The following RNF150 variants were observed in gnomAD, a reference collection of about 807,000 sequenced individuals.
The protein encoded by RNF150 is ring finger protein 150.
A neutral mutation model predicts 39.3 loss-of-function variants in RNF150; 24 were observed. The ratio of observed to expected loss-of-function variants is 0.61; its 90% CI spans 0.44 to 0.86. The LOEUF (loss-of-function observed/expected upper bound fraction) is 0.86. Among genes scored for constraint, RNF150 ranks in the 40% least tolerant of loss-of-function variants. The pLI is 0.00. For missense variants in RNF150, 502 were observed against 587.8 expected (o/e 0.85, Z 1.51); for synonymous variants, 255 against 227.3 (o/e 1.12, Z -1.10).
At chr4:141,190,628 G>A (rs984273148) in intron 1 of RNF150, among the ~76,000 whole-genome samples, 1 of 152,232 alleles carries the variant, frequency 6.6e-6, no homozygotes, top group East Asian at 1.9e-4. Flanking sequence ...AGCAGACTCA[G>A]TGAAGCTATG....
At chr4:141,120,228 G>A (rs1016084726) in intron 1 of RNF150, among the ~76,000 whole-genome samples, 3 of 152,174 alleles carry the variant, frequency 2.0e-5, no homozygotes, top group Non-Finnish European at 4.4e-5. Context: ...AGATAAGGGA[G>A]AATAAGAGAA....
At chr4:141,016,075 A>T (rs1330282904) in intron 1 of RNF150, among the ~76,000 whole-genome samples, 1 of 151,856 alleles carries the variant, frequency 6.6e-6, no homozygotes, top group Non-Finnish European at 1.5e-5. Context: ...TCTGTTTTCA[A>T]TCTCTCCCCA....
chr4:141,195,645 G>A (rs1443845635), intron 1 of RNF150, among the ~76,000 whole-genome samples: 1 of 152,070 alleles, frequency 6.6e-6, no homozygotes, highest in Non-Finnish European at 1.5e-5. Flanking sequence ...TTATAGGGGT[G>A]GTAAAATTGG....
chr4:141,196,405 A>G (rs948724390), intron 1 of RNF150, among the ~76,000 whole-genome samples: 1 of 152,134 alleles, frequency 6.6e-6, no homozygotes, highest in Non-Finnish European at 1.5e-5. Flanking sequence ...GATGATGCAA[A>G]TACCAAGCAG....
At chr4:141,078,330 G>C (rs763825615) in intron 1 of RNF150, among the ~76,000 whole-genome samples, 2 of 152,104 alleles carry the variant, frequency 1.3e-5, no homozygotes, top group African/African-American at 2.4e-5. Flanking sequence ...AATCTCAGAA[G>C]ACTGAGCAAT....
At chr4:140,883,040 C>T (rs935902710) in intron 6 of RNF150, among the ~76,000 whole-genome samples, 1 of 150,082 alleles carries the variant, frequency 6.7e-6, no homozygotes, top group African/African-American at 2.5e-5. Flanking sequence ...TGATTTGTTT[C>T]TCATTTATCT....
intron 1 of RNF150, among the ~76,000 whole-genome samples, chr4:141,096,705 G>C (rs1248948993): frequency 6.6e-6 from 1 of 152,172 alleles, no homozygotes; most frequent in Non-Finnish European, 1.5e-5. Context: ...TAAGTTTACT[G>C]TGATCAAACA....
At chr4:141,153,910 G>A (rs919299823) in intron 1 of RNF150, among the ~76,000 whole-genome samples, 1 of 152,178 alleles carries the variant, frequency 6.6e-6, no homozygotes, top group Non-Finnish European at 1.5e-5. Flanking sequence ...AAGAGAGCAG[G>A]CTCTCGAGTT....
At position 141,171,332 on chromosome 4, in the gene RNF150, C is replaced by T. The variant is rs146126281; in HGVS notation, c.-6+41462G>A. Among the ~76,000 whole-genome samples the T allele has an allele frequency of 1.8e-3, 279 of 152,252 alleles. 1 individual carries two copies. The highest frequency in any genetic ancestry group is 6.3e-3 in the African/African-American group (261 of 41,544). ...TCTTGGGAGAGATTATCCTTCTTTA[C>T]GGTGGTCTATGTGAGTATCGGACCC... is the stretch of plus-strand genomic sequence containing the variant. On this transcript the variant is annotated intron_variant, in intron 1 of 7. Coordinates refer to the RNF150 transcript ENST00000420921.
chr4:141,003,630 C>T (rs974640455), intron 1 of RNF150, among the ~76,000 whole-genome samples: 6 of 151,752 alleles, frequency 4.0e-5, no homozygotes, highest in Admixed American at 1.3e-4. Context: ...CTGTTCTCCC[C>T]ACAATCCCTG....
At chr4:141,032,055 T>TAC (rs543555148) in intron 1 of RNF150, among the ~76,000 whole-genome samples, 120 of 150,928 alleles carry the variant, frequency 8.0e-4, no homozygotes, top group African/African-American at 2.1e-3. Flanking sequence ...AACATATATA[T>TAC]ACACACACAC....
In RNF150 at chr4:140,994,757, CA is replaced by C. The variant is rs533428069; in HGVS notation, c.485-26885del. ...AGAGTAAAAGGCAGGAAGCATTTTC[CA>C]CCCAAGTTGCTACGCCTCTGGTGTT... On this transcript the variant is annotated intron_variant, in intron 1 of 6. Transcript: ENST00000515673. Among the ~76,000 whole-genome samples, 360 of 152,300 alleles carry C rather than the reference CA, an allele frequency of 2.4e-3. 1 individual carries two copies. The highest frequency in any genetic ancestry group is 0.01 in the Middle Eastern group (3 of 294).
chr4:141,181,938 T>C (rs1029506220), intron 1 of RNF150, among the ~76,000 whole-genome samples: 1 of 152,178 alleles, frequency 6.6e-6, no homozygotes, highest in East Asian at 1.9e-4. Context: ...ATTTACCTGT[T>C]ACCTTCTAGC....
intron 6 of RNF150, among the ~76,000 whole-genome samples, chr4:140,873,706 C>T (rs939587058): frequency 6.6e-6 from 1 of 152,086 alleles, no homozygotes; most frequent in African/African-American, 2.4e-5. Context: ...GAGACAGGGT[C>T]TCTCTCTGTT....
intron 1 of RNF150, among the ~76,000 whole-genome samples, chr4:141,146,636 T>A (rs1201411887): frequency 6.6e-6 from 1 of 152,118 alleles, no homozygotes; most frequent in Non-Finnish European, 1.5e-5. Flanking sequence ...AAAAGAAAGT[T>A]AAGGTTTGTG....
chr4:141,002,290 T>C (rs57338597), intron 1 of RNF150, among the ~76,000 whole-genome samples: 11,535 of 152,148 alleles, frequency 0.076, 491 homozygotes, highest in Middle Eastern at 0.16. Flanking sequence ...ACAGTCTTTA[T>C]TGTACTTGAT....
chr4:141,154,969 G>A (rs2111147195), intron 1 of RNF150, among the ~76,000 whole-genome samples: 1 of 152,324 alleles, frequency 6.6e-6, no homozygotes, highest in African/African-American at 2.4e-5. Flanking sequence ...GCTTGGTGAT[G>A]TCATCCTTCG....
intron 4 of RNF150, among the ~76,000 whole-genome samples, chr4:140,942,024 CAG>C (rs1338614283): frequency 1.3e-5 from 2 of 152,122 alleles, no homozygotes; most frequent in South Asian, 4.1e-4. Flanking sequence ...TTAGTGAATT[CAG>C]AGTTTCATGT....
At chr4:140,910,848 A>G (rs1730570099) in intron 6 of RNF150, among the ~76,000 whole-genome samples, 1 of 152,042 alleles carries the variant, frequency 6.6e-6, no homozygotes, top group Non-Finnish European at 1.5e-5. Flanking sequence ...CCATGACCCT[A>G]TGTGCCTCAG....
Sources: gnomAD v4.1 joint callset for allele counts (sites outside exome capture counted in the v4.1 genomes callset) on GRCh38, gnomAD v4.1.1 for gene constraint, MANE v1.5 for transcripts, NCBI Gene and HGNC (gene_info 2026-07-23, HGNC 2026-07-21) for gene names.